Variants in NR2C1 observed in about 807,000 individuals in gnomAD.
The protein encoded by NR2C1 is nuclear receptor subfamily 2 group C member 1.
A neutral mutation model predicts 74.8 loss-of-function variants in NR2C1; 33 were observed. The ratio of observed to expected loss-of-function variants is 0.44; its 90% CI spans 0.33 to 0.59. NR2C1 has a LOEUF of 0.59. Among genes scored for constraint, NR2C1 ranks in the 20% least tolerant of loss-of-function variants. NR2C1 has a pLI of 0.02. For synonymous variants in NR2C1, 225 were observed against 240.6 expected, an observed-to-expected ratio of 0.94 and a Z score of 0.60; for missense variants, 568 against 715.6, an observed-to-expected ratio of 0.79 and a Z score of 2.35.
chr12:95,051,635 G>A lies in NR2C1; in HGVS notation c.965+127C>T, dbSNP rs74619662. The A allele has an allele frequency of 6.1e-3, 4,703 of 771,530 alleles. 146 individuals carry two copies. In the African/African-American group the frequency reaches 0.071, roughly 12 times the overall value. 47.8% of individuals were successfully genotyped at this position (771,530 alleles called of 1,614,324 possible). ...ATTTCGGATAAGAGATAATCAACCT[G>A]TATTTAGATAATCAACCTGTATTTG... is the stretch of plus-strand genomic sequence containing the variant. On this transcript the variant is annotated intron_variant, in intron 8 of 13. Transcript: ENST00000333003.
Position 95,022,412 on chromosome 12 carries a change from A to G in NR2C1, c.1638-9T>C, listed in dbSNP as rs1190457698. 2 of 1,595,468 alleles carry G rather than the reference A, an allele frequency of 1.3e-6. No homozygotes were observed. Among genetic ancestry groups the G allele is most frequent in the African/African-American group, 1.4e-5 (1 of 73,758 alleles). Reference sequence around the variant, plus strand: ...GTAGTAGTCTGGATAACCTAAAAAAAGAAAGAAAAAAGGGAGAGGAACAAG... The same window carrying G: ...GTAGTAGTCTGGATAACCTAAAAAAGGAAAGAAAAAAGGGAGAGGAACAAG... On this transcript the variant is annotated splice_polypyrimidine_tract_variant and intron_variant, in intron 13 of 13. Transcript: ENST00000333003.
intron 7 of NR2C1, among the ~76,000 whole-genome samples, chr12:95,054,322 A>T (rs1444919122): frequency 4.7e-5 from 7 of 150,472 alleles, no homozygotes; most frequent in Non-Finnish European, 1.0e-4. Context: ...TTTAAGAGAC[A>T]GTGTTTTTTA....
At chr12:95,067,737 AT>A (rs1326858069) in intron 1 of NR2C1, among the ~76,000 whole-genome samples, 12 of 151,438 alleles carry the variant, frequency 7.9e-5, no homozygotes, top group African/African-American at 2.9e-4. Context: ...CTAATTTTTT[AT>A]TTTTTGTACA....
intron 10 of NR2C1, among the ~76,000 whole-genome samples, chr12:95,039,380 G>A (rs897486294): frequency 1.3e-5 from 2 of 152,168 alleles, no homozygotes; most frequent in African/African-American, 4.8e-5. Flanking sequence ...GGAAGAACAG[G>A]TATACAGGAT....
intron 2 of NR2C1, among the ~76,000 whole-genome samples, chr12:95,066,231 G>A (rs1334077373): frequency 3.3e-5 from 5 of 152,182 alleles, no homozygotes; most frequent in Non-Finnish European, 7.3e-5. Context: ...GCTGGGCACA[G>A]CACCTCACGC....
chr12:95,047,890 C>A (rs1872508119), intron 9 of NR2C1, among the ~76,000 whole-genome samples: 1 of 152,096 alleles, frequency 6.6e-6, no homozygotes, highest in East Asian at 1.9e-4. Context: ...TTCTAGTATT[C>A]TGCATGTATT....
intron 9 of NR2C1, 69 bp downstream of exon 9, chr12:95,048,999 T>G (rs2136149028): frequency 7.2e-7 from 1 of 1,386,626 alleles, no homozygotes; most frequent in Non-Finnish European, 1.0e-6. Context: ...CAAACATACT[T>G]TGATTTTTGA....
intron 11 of NR2C1, chr12:95,030,518 A>G (rs1565834985): frequency 6.3e-7 from 1 of 1,599,804 alleles, no homozygotes; most frequent in Non-Finnish European, 8.5e-7. Flanking sequence ...TATAACCATT[A>G]CAGGCATATA....
chr12:95,069,560 A>G (rs1034126363), intron 1 of NR2C1, among the ~76,000 whole-genome samples: 2 of 152,236 alleles, frequency 1.3e-5, no homozygotes, highest in African/African-American at 4.8e-5. Context: ...TATACCATTT[A>G]GTTTTGTGTA....
intron 7 of NR2C1, among the ~76,000 whole-genome samples, chr12:95,057,337 T>A (rs1184116609): frequency 6.6e-6 from 1 of 151,778 alleles, no homozygotes; most frequent in East Asian, 1.9e-4. Flanking sequence ...ACTTCTGACC[T>A]CAAGCGATCC....
chr12:95,050,458 G>A (rs1270563040), intron 8 of NR2C1, among the ~76,000 whole-genome samples: 6 of 151,916 alleles, frequency 3.9e-5, no homozygotes, highest in African/African-American at 7.3e-5. Context: ...ACAGGCATGC[G>A]CCACCACACC....
At chr12:95,025,072 A>G (rs1464627798) in intron 13 of NR2C1, 78 bp downstream of exon 13, 1 of 596,968 alleles carries the variant, frequency 1.7e-6, no homozygotes, top group Admixed American at 3.6e-5. Flanking sequence ...AATTATTGTG[A>G]GAGTAGTAAT....
chr12:95,022,525 A>C (rs1355240911), intron 13 of NR2C1, 122 bp from the exon 14 acceptor site: 4 of 852,818 alleles, frequency 4.7e-6, no homozygotes, highest in Non-Finnish European at 5.5e-6. Context: ...TTCAAAAGTT[A>C]AAATCAAAAC....
At chr12:95,028,342 A>T (rs368901435) in intron 12 of NR2C1, 45 bp downstream of exon 12, 2 of 1,528,844 alleles carry the variant, frequency 1.3e-6, no homozygotes, top group Non-Finnish European at 1.8e-6. Context: ...ATTTCTCCAC[A>T]TCGTGAAACA....
chr12:95,069,972 G>A (rs1224322704), intron 1 of NR2C1, among the ~76,000 whole-genome samples: 2 of 152,232 alleles, frequency 1.3e-5, no homozygotes, highest in East Asian at 3.8e-4. Context: ...CTACCCTGAA[G>A]AGATGAGAAA....
At chr12:95,058,778 C>T (rs1369323714) in intron 4 of NR2C1, among the ~76,000 whole-genome samples, 1 of 152,070 alleles carries the variant, frequency 6.6e-6, no homozygotes, top group Non-Finnish European at 1.5e-5. Context: ...GCTTGCGCCA[C>T]CACACCCGAC....
At chr12:95,056,880 A>T (rs1592775283) in intron 7 of NR2C1, among the ~76,000 whole-genome samples, 1 of 148,450 alleles carries the variant, frequency 6.7e-6, no homozygotes. Flanking sequence ...AATGGCGGGA[A>T]CCCGGGAAGC....
At position 95,044,035 on chromosome 12, in the gene NR2C1, A is replaced by G. The variant is rs373678658; in HGVS notation, c.1132-3438T>C. Among the ~76,000 whole-genome samples, 40 of 152,346 alleles carry G rather than the reference A, an allele frequency of 2.6e-4. 4 individuals are homozygous for G. Among genetic ancestry groups the G allele is most frequent in the East Asian group, 1.5e-3 (8 of 5,186 alleles). The stretch of plus-strand genomic sequence containing the variant: ...ACAAGTCTTTGAGACTGAAAAGACA[A>G]AGATTTATTCCTATATAAAGAGTGA... On this transcript the variant is annotated intron_variant, in intron 9 of 13. Transcript: ENST00000333003.
chr12:95,039,427 T>C (rs1040558279), intron 10 of NR2C1, among the ~76,000 whole-genome samples: 3 of 152,190 alleles, frequency 2.0e-5, no homozygotes, highest in East Asian at 3.8e-4. Flanking sequence ...TACTGGTGAA[T>C]AGGGTCCTAG....
Sources: allele counts gnomAD v4.1 joint callset (sites outside exome capture counted in the v4.1 genomes callset), GRCh38; gene constraint gnomAD v4.1.1; transcripts MANE v1.5; gene names NCBI Gene and HGNC (gene_info 2026-07-23, HGNC 2026-07-21).